The following ATP8A2 variants were observed in gnomAD, a reference collection of about 807,000 sequenced individuals.
ATP8A2 encodes the protein ATPase phospholipid transporting 8A2, also known as phospholipid-transporting ATPase IB.
Under a neutral mutation model 165.6 loss-of-function variants are expected in ATP8A2, and 100 were observed. The ratio of observed to expected loss-of-function variants is 0.60; its 90% CI spans 0.51 to 0.71. ATP8A2 has a LOEUF of 0.71. Among genes scored for constraint, ATP8A2 ranks in the 30% least tolerant of loss-of-function variants. ATP8A2 has a pLI of 0.00. For synonymous variants in ATP8A2, 543 were observed against 548.8 expected (o/e 0.99, Z 0.15); for missense variants, 1,227 against 1,479.5 (o/e 0.83, Z 2.80).
At chr13:25,541,737 C>T (rs894568080) in intron 8 of ATP8A2, among the ~76,000 whole-genome samples, 182 bp from the exon 9 acceptor site, 4 of 152,094 alleles carry the variant, frequency 2.6e-5, no homozygotes, top group Non-Finnish European at 4.4e-5. Flanking sequence ...TGCATTAGAT[C>T]GTTGTGGCAA....
chr13:25,831,487 A>G (rs1303425940), intron 28 of ATP8A2, among the ~76,000 whole-genome samples: 1 of 152,184 alleles, frequency 6.6e-6, no homozygotes, highest in Admixed American at 6.5e-5. Context: ...TTCTGGGATT[A>G]CAGGCATGAG....
intron 23 of ATP8A2, among the ~76,000 whole-genome samples, chr13:25,585,906 C>T (rs117525655): frequency 0.012 from 1,870 of 152,300 alleles, 16 homozygotes; most frequent in Non-Finnish European, 0.019. Context: ...GGGCAACTTA[C>T]ATTCCACACT....
At chr13:25,919,894 C>T (rs1022505175) in intron 33 of ATP8A2, among the ~76,000 whole-genome samples, 1 of 152,098 alleles carries the variant, frequency 6.6e-6, no homozygotes, top group Non-Finnish European at 1.5e-5. Flanking sequence ...TCAGGCAGTG[C>T]CCCCACCTCA....
intron 33 of ATP8A2, among the ~76,000 whole-genome samples, chr13:25,870,122 G>A (rs749672250): frequency 6.6e-6 from 1 of 152,188 alleles, no homozygotes; most frequent in Non-Finnish European, 1.5e-5. Context: ...TCCTCCAATT[G>A]TTCTGGCCAA....
At chr13:25,557,261 A>C (rs1183881267) in intron 13 of ATP8A2, among the ~76,000 whole-genome samples, 3 of 152,202 alleles carry the variant, frequency 2.0e-5, no homozygotes, top group Non-Finnish European at 4.4e-5. Flanking sequence ...GGCACAGAGC[A>C]CAAATCCTCC....
At chr13:25,889,950 T>G (rs986975496) in intron 33 of ATP8A2, among the ~76,000 whole-genome samples, 3 of 152,004 alleles carry the variant, frequency 2.0e-5, no homozygotes, top group Non-Finnish European at 2.9e-5. Context: ...ATCACGAGGT[T>G]AGGAGATCGA....
chr13:25,839,906 T>C (rs1951715132), intron 30 of ATP8A2, among the ~76,000 whole-genome samples: 1 of 152,206 alleles, frequency 6.6e-6, no homozygotes, highest in South Asian at 2.1e-4. Flanking sequence ...TCAGAGATCT[T>C]CAAGGAAAGC....
chr13:25,702,996 G>C (rs61947328), intron 25 of ATP8A2, among the ~76,000 whole-genome samples: 3 of 151,964 alleles, frequency 2.0e-5, no homozygotes, highest in African/African-American at 7.3e-5. Flanking sequence ...TTAATGTGTC[G>C]GATGGCCTCA....
intron 1 of ATP8A2, among the ~76,000 whole-genome samples, chr13:25,384,153 T>G (rs949366334): frequency 6.6e-6 from 1 of 152,242 alleles, no homozygotes; most frequent in African/African-American, 2.4e-5. Flanking sequence ...ATTATCTTAC[T>G]CCTACCCAGA....
chr13:25,844,907 A>T (rs139808877), intron 30 of ATP8A2, among the ~76,000 whole-genome samples: 18 of 152,348 alleles, frequency 1.2e-4, no homozygotes, highest in Admixed American at 1.2e-3. Context: ...GGGCAAGGCA[A>T]CAGAAGCACA....
At chr13:25,512,657 C>T (rs375890240) in intron 2 of ATP8A2, among the ~76,000 whole-genome samples, 42 of 148,014 alleles carry the variant, frequency 2.8e-4, no homozygotes, top group East Asian at 2.2e-3. Context: ...ACCTCCCTCC[C>T]GGACGGGGTG....
chr13:25,765,675 T>C (rs2044476095), intron 25 of ATP8A2, among the ~76,000 whole-genome samples: 1 of 152,204 alleles, frequency 6.6e-6, no homozygotes, highest in South Asian at 2.1e-4. Flanking sequence ...TTTTGCTTTT[T>C]GGGAAAGGCA....
intron 2 of ATP8A2, among the ~76,000 whole-genome samples, chr13:25,486,947 C>T (rs933774539): frequency 7.9e-5 from 12 of 152,000 alleles, no homozygotes; most frequent in Admixed American, 2.6e-4. Flanking sequence ...GCCTGGGTGA[C>T]GGAGGAAAAC....
intron 13 of ATP8A2, among the ~76,000 whole-genome samples, chr13:25,557,443 A>G (rs918560576): frequency 1.3e-5 from 2 of 152,128 alleles, no homozygotes; most frequent in African/African-American, 2.4e-5. Flanking sequence ...TCCTGTAAGA[A>G]TCAGTGAGTT....
At chr13:26,012,973 A>T (rs1189159680) in intron 36 of ATP8A2, among the ~76,000 whole-genome samples, 6 of 152,116 alleles carry the variant, frequency 3.9e-5, no homozygotes, top group African/African-American at 1.4e-4. Flanking sequence ...TAGTGTTGCC[A>T]TATTGATTGA....
In ATP8A2 at chr13:25,388,598, A is replaced by G. The variant is rs921301697; in HGVS notation, c.76+16310A>G. The stretch of plus-strand genomic sequence containing the variant: ...GATTTTCGCAGTGCTTTTCTATACA[A>G]TGTCTGTAATCTATAGATAACATAA... On this transcript the variant is annotated intron_variant, in intron 1 of 36. Coordinates refer to ENST00000381655, the MANE Select transcript of ATP8A2 (RefSeq NM_016529.6). Among the ~76,000 whole-genome samples, 3 of 152,300 alleles carry G rather than the reference A, an allele frequency of 2.0e-5. No individual in the cohort carries two copies. In the East Asian group the frequency reaches 5.8e-4, roughly 29 times the overall value.
At chr13:25,603,226 G>A (rs2040432855) in intron 24 of ATP8A2, among the ~76,000 whole-genome samples, 1 of 152,122 alleles carries the variant, frequency 6.6e-6, no homozygotes, top group Non-Finnish European at 1.5e-5. Flanking sequence ...GGTGGCTCAC[G>A]CCTGTAATCC....
intron 33 of ATP8A2, 115 bp from the exon 34 acceptor site, chr13:25,961,460 G>T: frequency 1.2e-6 from 1 of 833,178 alleles, no homozygotes; most frequent in Non-Finnish European, 2.0e-6. Context: ...ACCTCTCATT[G>T]CATTTAGTGC....
chr13:25,502,964 C>T (rs1200196782), intron 2 of ATP8A2, among the ~76,000 whole-genome samples: 1 of 152,086 alleles, frequency 6.6e-6, no homozygotes, highest in Non-Finnish European at 1.5e-5. Context: ...TGAGAAGAGA[C>T]CAGTTGGGGA....
Sources: gnomAD v4.1 joint callset for allele counts (sites outside exome capture counted in the v4.1 genomes callset) on GRCh38, gnomAD v4.1.1 for gene constraint, MANE v1.5 for transcripts, NCBI Gene and HGNC (gene_info 2026-07-23, HGNC 2026-07-21) for gene names.